CNTNAP2: variants seen among roughly 807,000 people sequenced by gnomAD.
CNTNAP2 encodes contactin associated protein 2.
In CNTNAP2, 98 loss-of-function variants were observed where a neutral mutation model predicts 155.2. The ratio of observed to expected loss-of-function variants is 0.63; its 90% CI spans 0.54 to 0.75. CNTNAP2 has a LOEUF of 0.75. Among genes scored for constraint, CNTNAP2 ranks in the 30% least tolerant of loss-of-function variants. The probability of loss-of-function intolerance (pLI) is 0.00; values close to 1 mark genes in which losing one functional copy is unlikely to be tolerated. For missense variants in CNTNAP2, 1,727 were observed against 1,688.1 expected (o/e 1.02, Z -0.40); for synonymous variants, 651 against 631.2 (o/e 1.03, Z -0.47).
intron 1 of CNTNAP2, among the ~76,000 whole-genome samples, chr7:146,761,057 C>T (rs746234757): frequency 8.5e-5 from 13 of 152,092 alleles, no homozygotes; most frequent in Admixed American, 2.0e-4. Context: ...AGTTTGCCCT[C>T]GGCATTCCTT....
chr7:146,963,536 ATAT>A (rs1797595961), intron 3 of CNTNAP2, among the ~76,000 whole-genome samples: 1 of 152,190 alleles, frequency 6.6e-6, no homozygotes, highest in African/African-American at 2.4e-5. Context: ...GATTAATATT[ATAT>A]TCCCTTGTAA....
In CNTNAP2 at chr7:148,417,948, T is replaced by C. The variant is rs1053089181; in HGVS notation, c.*2332T>C. The C allele has an allele frequency of 4.6e-5, 7 of 152,218 alleles. No individual in the cohort carries two copies. The highest frequency in any genetic ancestry group is 2.0e-4 in the Admixed American group (3 of 15,276). 9.4% of individuals were successfully genotyped at this position (152,218 alleles called of 1,614,324 possible). On this transcript the variant is annotated 3_prime_UTR_variant, in exon 24 of 24. Transcript: ENST00000361727. ...ATGAGATCCAATCCTCTCACCAAAA[T>C]TTCAAACCTAGGACACTGGAATGAC...
chr7:148,017,516 T>C (rs1302314334), intron 15 of CNTNAP2, among the ~76,000 whole-genome samples: 2 of 152,200 alleles, frequency 1.3e-5, no homozygotes, highest in African/African-American at 4.8e-5. Flanking sequence ...TAAAATGAAA[T>C]CTTAGCTTGG....
chr7:148,412,010 C>G (rs1799853487), intron 23 of CNTNAP2, among the ~76,000 whole-genome samples: 1 of 152,102 alleles, frequency 6.6e-6, no homozygotes, highest in Non-Finnish European at 1.5e-5. Flanking sequence ...GTGGCGCGAT[C>G]TCGGCTCATG....
At chr7:146,961,384 A>C (rs1229787012) in intron 3 of CNTNAP2, among the ~76,000 whole-genome samples, 1 of 152,214 alleles carries the variant, frequency 6.6e-6, no homozygotes, top group Non-Finnish European at 1.5e-5. Flanking sequence ...TATGTGAAGC[A>C]AACAGGCAAA....
intron 15 of CNTNAP2, among the ~76,000 whole-genome samples, chr7:147,985,272 C>G (rs1030831827): frequency 6.6e-6 from 1 of 151,866 alleles, no homozygotes; most frequent in Non-Finnish European, 1.5e-5. Flanking sequence ...AGCTTCTGAA[C>G]CCCCACTGGG....
At chr7:147,419,662 A>G (rs1797256094) in intron 10 of CNTNAP2, among the ~76,000 whole-genome samples, 1 of 152,194 alleles carries the variant, frequency 6.6e-6, no homozygotes, top group African/African-American at 2.4e-5. Flanking sequence ...TTACAGGGTT[A>G]GCATACATCT....
chr7:147,204,247 A>G (rs185165168), intron 8 of CNTNAP2, among the ~76,000 whole-genome samples: 2 of 152,154 alleles, frequency 1.3e-5, no homozygotes, highest in East Asian at 3.9e-4. Flanking sequence ...AGGAATTGAA[A>G]CAAAAATAGA....
In CNTNAP2 at chr7:147,640,575, A is replaced by G. The variant is rs182086780; in HGVS notation, c.2098+1269A>G. Among the ~76,000 whole-genome samples, 8 of 152,298 alleles carry G rather than the reference A, an allele frequency of 5.3e-5. No individual in the cohort carries two copies. In the East Asian group the frequency reaches 7.7e-4, roughly 15 times the overall value. On this transcript the variant is annotated intron_variant, in intron 13 of 23. Transcript: ENST00000361727. ...CCAAAACAGCAATGAATTGAAAGCA[A>G]TGTTGTAGGGAGCAGTTTACAGAGA...
chr7:147,469,549 C>T (rs1440411046), intron 10 of CNTNAP2, among the ~76,000 whole-genome samples: 14 of 75,288 alleles, frequency 1.9e-4, no homozygotes, highest in South Asian at 6.2e-4. Context: ...GACAAAGTCT[C>T]GCTCTGCCGC....
At chr7:148,116,855 T>C (rs1804485436) in intron 15 of CNTNAP2, among the ~76,000 whole-genome samples, 3 of 152,236 alleles carry the variant, frequency 2.0e-5, no homozygotes, top group Admixed American at 6.5e-5. Flanking sequence ...TGATTCATTG[T>C]GCCTTTTGGA....
At chr7:148,400,071 GT>G (rs1272406914) in intron 22 of CNTNAP2, among the ~76,000 whole-genome samples, 2 of 152,162 alleles carry the variant, frequency 1.3e-5, no homozygotes, top group East Asian at 3.9e-4. Flanking sequence ...GCCCCTTAAT[GT>G]TTGAAAGGTC....
intron 16 of CNTNAP2, among the ~76,000 whole-genome samples, chr7:148,145,381 C>CA (rs1268150199): frequency 6.6e-6 from 1 of 152,168 alleles, no homozygotes; most frequent in Non-Finnish European, 1.5e-5. Context: ...TTCTGGCACT[C>CA]AGAGTTTTTC....
At chr7:146,734,286 T>G (rs1245272913) in intron 1 of CNTNAP2, among the ~76,000 whole-genome samples, 1 of 152,140 alleles carries the variant, frequency 6.6e-6, no homozygotes, top group African/African-American at 2.4e-5. Flanking sequence ...GTTGAGCTGT[T>G]TTATTAATAT....
chr7:146,428,666 T>A (rs1362600332), intron 1 of CNTNAP2, among the ~76,000 whole-genome samples: 1 of 152,062 alleles, frequency 6.6e-6, no homozygotes, highest in Non-Finnish European at 1.5e-5. Context: ...GTCAGATGGA[T>A]AGATTGCAAA....
chr7:147,863,860 T>C (rs1011989365), intron 13 of CNTNAP2, among the ~76,000 whole-genome samples: 3 of 152,156 alleles, frequency 2.0e-5, no homozygotes, highest in Admixed American at 1.3e-4. Flanking sequence ...GCAAAAATTT[T>C]CTCCCATTCT....
In CNTNAP2 at chr7:146,588,454, T is replaced by TAA. The variant is rs1798730004; in HGVS notation, c.98-185814_98-185813dup. Among the ~76,000 whole-genome samples the TAA allele has an allele frequency of 2.0e-5, 3 of 152,264 alleles. No individual in the cohort carries two copies. In the South Asian group the frequency reaches 6.2e-4, roughly 32 times the overall value. On this transcript the variant is annotated intron_variant, in intron 1 of 23. Coordinates refer to ENST00000361727, the MANE Select transcript of CNTNAP2 (RefSeq NM_014141.6). ...TCATTTCAAAATATATTTATTAAAT[T>TAA]AAAATACAGTCTTTAAACAAAACAA...
chr7:148,134,111 G>A (rs966436348), intron 16 of CNTNAP2, among the ~76,000 whole-genome samples: 5 of 152,170 alleles, frequency 3.3e-5, no homozygotes, highest in African/African-American at 1.2e-4. Flanking sequence ...CTGAACCTCA[G>A]GCCTTGTCGG....
intron 1 of CNTNAP2, among the ~76,000 whole-genome samples, chr7:146,677,695 T>C (rs1322769718): frequency 6.6e-6 from 1 of 151,716 alleles, no homozygotes; most frequent in Admixed American, 6.6e-5. Flanking sequence ...TGGTGATTTT[T>C]TTTTTTTAGG....
Sources: allele counts gnomAD v4.1 joint callset (sites outside exome capture counted in the v4.1 genomes callset), GRCh38; gene constraint gnomAD v4.1.1; transcripts MANE v1.5; gene names NCBI Gene and HGNC (gene_info 2026-07-23, HGNC 2026-07-21).